BLTP1: variants seen among roughly 807,000 people sequenced by gnomAD.
BLTP1 encodes the protein fragile site-associated protein.
chr4:122,359,933 A>G, the BLTP1 span: 2 of 985,400 alleles, frequency 2.0e-6, no homozygotes, highest in Non-Finnish European at 2.4e-6. Context: ...AGAATAGCTC[A>G]GCACTGATGA....
chr4:122,224,950 G>T, the BLTP1 span: 1 of 1,229,440 alleles, frequency 8.1e-7, no homozygotes, highest in Non-Finnish European at 1.0e-6. Flanking sequence ...AAAAATTCAG[G>T]ATGAGTACTT....
the BLTP1 span, chr4:122,232,147 A>C: frequency 1.0e-6 from 1 of 983,530 alleles, no homozygotes; most frequent in East Asian, 1.1e-4. Flanking sequence ...CTTGTGAAAA[A>C]TTGTGAAGAG....
the BLTP1 span, among the ~76,000 whole-genome samples, chr4:122,164,666 A>T: frequency 6.6e-6 from 1 of 152,032 alleles, no homozygotes; most frequent in Non-Finnish European, 1.5e-5. Flanking sequence ...GACTATATAG[A>T]ATTTTGTTAG....
the BLTP1 span, chr4:122,169,514 G>A: frequency 1.8e-5 from 9 of 501,638 alleles, no homozygotes; most frequent in Admixed American, 1.3e-4. Flanking sequence ...TTATGAGATA[G>A]TTTTGTTATC....
chr4:122,234,062 TA>T, the BLTP1 span: 15 of 151,442 alleles, frequency 9.9e-5, no homozygotes, highest in Admixed American at 2.7e-4. Context: ...TTTATTAAAG[TA>T]AAAAAAAAGG....
the BLTP1 span, among the ~76,000 whole-genome samples, chr4:122,252,370 T>G: frequency 1.3e-5 from 2 of 152,190 alleles, no homozygotes; most frequent in Non-Finnish European, 2.9e-5. Flanking sequence ...TTTCAGGACA[T>G]GGCTCCTGGA....
the BLTP1 span, chr4:122,348,952 T>C: frequency 1.1e-4 from 59 of 537,564 alleles, no homozygotes; most frequent in Non-Finnish European, 1.0e-4. Flanking sequence ...ACAGGGTAAT[T>C]TTCTAGCTTT....
the BLTP1 span, chr4:122,254,684 A>C: frequency 8.1e-7 from 1 of 1,235,400 alleles, no homozygotes; most frequent in Non-Finnish European, 1.0e-6. Context: ...ATCAGTGCTC[A>C]AAAAGAAAAG....
chr4:122,356,323 A>C, the BLTP1 span, among the ~76,000 whole-genome samples: 3 of 152,184 alleles, frequency 2.0e-5, no homozygotes, highest in African/African-American at 7.2e-5. Context: ...GACACAGGAA[A>C]TGCTCATTGG....
chr4:122,281,346 C>A, the BLTP1 span: 2 of 975,638 alleles, frequency 2.0e-6, no homozygotes, highest in African/African-American at 1.8e-5. Flanking sequence ...ATTACTTTTT[C>A]TTGTCTACTT....
the BLTP1 span, chr4:122,262,002 C>A: frequency 9.9e-4 from 978 of 985,268 alleles, 4 homozygotes; most frequent in African/African-American, 0.015. Flanking sequence ...TAGCAAAAAG[C>A]CTCTAGTTTC....
chr4:122,232,118 G>T, the BLTP1 span: 8,027 of 985,330 alleles, frequency 8.1e-3, 501 homozygotes, highest in African/African-American at 0.13. Flanking sequence ...GCTCATTTAG[G>T]TTGGTTTCAG....
the BLTP1 span, chr4:122,286,877 G>A: frequency 1.9e-6 from 2 of 1,065,382 alleles, no homozygotes; most frequent in Non-Finnish European, 2.7e-6. Context: ...AAACTTTTAA[G>A]GTAAAGTCTT....
the BLTP1 span, chr4:122,261,665 G>T: frequency 3.0e-6 from 3 of 985,080 alleles, no homozygotes; most frequent in Non-Finnish European, 3.6e-6. Context: ...TTTGAAGGTA[G>T]AAGTTAGGTA....
the BLTP1 span, chr4:122,154,068 G>A: frequency 1.0e-6 from 1 of 980,086 alleles, no homozygotes; most frequent in Non-Finnish European, 1.2e-6. Flanking sequence ...CTGAAGAAAA[G>A]TAGAAGGAAA....
the BLTP1 span, chr4:122,353,263 T>C: frequency 6.7e-7 from 1 of 1,494,092 alleles, no homozygotes; most frequent in South Asian, 1.4e-5. This position sits in a 1 kb window ranked among gnomAD's most constrained non-coding sequence, Gnocchi z 4.3. Flanking sequence ...GTATCTGACA[T>C]GTTAAGGAGT....
chr4:122,244,624 G>GAAC, the BLTP1 span: 82 of 983,104 alleles, frequency 8.3e-5, no homozygotes, highest in Non-Finnish European at 9.9e-5. Flanking sequence ...GAAGCGGTTG[G>GAAC]GAAGAGAAAA....
chr4:122,185,005 A>G, the BLTP1 span: 1 of 984,996 alleles, frequency 1.0e-6, no homozygotes, highest in Non-Finnish European at 1.2e-6. Flanking sequence ...GAAGAGGGGA[A>G]AAGCTATGTG....
chr4:122,154,094 ACT>A, the BLTP1 span: 11 of 984,404 alleles, frequency 1.1e-5, no homozygotes, highest in South Asian at 9.4e-5. Flanking sequence ...AACGTTGCAA[ACT>A]CTGGAAAAAA....
Sources: allele counts gnomAD v4.1 joint callset (sites outside exome capture counted in the v4.1 genomes callset), GRCh38; gene constraint gnomAD v4.1.1; non-coding constraint Gnocchi (gnomAD v3.1); transcripts MANE v1.5; gene names NCBI Gene and HGNC (gene_info 2026-07-23, HGNC 2026-07-21).